Variants in CLN8 observed in about 807,000 individuals in gnomAD.
The protein encoded by CLN8 is protein CLN8.
CLN8 carries 14 observed loss-of-function variants against 15.7 expected under a neutral mutation model. The ratio of observed to expected loss-of-function variants is 0.89; its 90% CI spans 0.59 to 1.39. The LOEUF (loss-of-function observed/expected upper bound fraction) is 1.39. Ranked by LOEUF, CLN8 falls within the 40% of genes most tolerant of loss-of-function variation. CLN8 has a pLI of 0.00. For synonymous variants in CLN8, 188 were observed against 151.0 expected (o/e 1.25, Z -1.80); for missense variants, 415 against 364.0 (o/e 1.14, Z -1.14).
In CLN8 at chr8:1,769,589, C is replaced by T. The variant is rs138609231; in HGVS notation, c.-123-1343C>T. Among the ~76,000 whole-genome samples the T allele has an allele frequency of 1.9e-3, 291 of 152,228 alleles. 1 individual carries two copies. Among genetic ancestry groups the T allele is most frequent in the African/African-American group, 5.2e-3 (218 of 41,536 alleles). ...TGGGTGAGGGGGGACCAGGCGGGGACCTGAGTCTTTGTCGGTAGCCGTTCC... is the reference window on the plus strand; with the variant it reads ...TGGGTGAGGGGGGACCAGGCGGGGATCTGAGTCTTTGTCGGTAGCCGTTCC... On this transcript the variant is annotated intron_variant, in intron 1 of 2. Coordinates refer to ENST00000331222, the MANE Select transcript of CLN8 (RefSeq NM_018941.4).
chr8:1,758,534 C>T (rs148469786), intron 1 of CLN8: 1 of 152,340 alleles, frequency 6.6e-6, no homozygotes, highest in African/African-American at 2.4e-5. Flanking sequence ...TCCATGACGT[C>T]ATTTCAGTTC....
chr8:1,753,595 A>G (rs1800602018), upstream of CLN8, among the ~76,000 whole-genome samples: 2 of 134,618 alleles, frequency 1.5e-5, no homozygotes, highest in South Asian at 5.2e-4. Context: ...AGAAAGAAAA[A>G]GAAAAAACAG....
At chr8:1,777,049 A>G (rs1192409286) in intron 2 of CLN8, among the ~76,000 whole-genome samples, 2 of 152,206 alleles carry the variant, frequency 1.3e-5, no homozygotes, top group African/African-American at 2.4e-5. Flanking sequence ...TCCTTAGGCT[A>G]TTTTGTCATC....
chr8:1,761,143 C>T (rs1384705301), upstream of CLN8, among the ~76,000 whole-genome samples: 1 of 151,164 alleles, frequency 6.6e-6, no homozygotes, highest in Non-Finnish European at 1.5e-5. Flanking sequence ...CCTCAGCCTC[C>T]CACGTAGCTG....
At chr8:1,768,286 A>G (rs1801148446) in intron 1 of CLN8, among the ~76,000 whole-genome samples, 1 of 152,200 alleles carries the variant, frequency 6.6e-6, no homozygotes, top group Admixed American at 6.5e-5. Context: ...AATCAAGATC[A>G]GAGCCCACTA....
exon 1 of CLN8, chr8:1,755,785 T>G (rs1269414691): frequency 6.6e-6 from 1 of 152,156 alleles, no homozygotes. Flanking sequence ...TGGAATGAAC[T>G]CCATGCTTGC....
At chr8:1,755,488 G>C (rs1022668175), upstream of CLN8, among the ~76,000 whole-genome samples, 1 of 152,130 alleles carries the variant, frequency 6.6e-6, no homozygotes, top group South Asian at 2.1e-4. Flanking sequence ...CAAGATACAA[G>C]TGCCTCCCCC....
intron 1 of CLN8, among the ~76,000 whole-genome samples, chr8:1,769,522 C>G (rs1223989204): frequency 6.6e-6 from 1 of 152,188 alleles, no homozygotes; most frequent in Non-Finnish European, 1.5e-5. Flanking sequence ...AGAGTCCCCA[C>G]TCCCTGCAGA....
chr8:1,785,825 A>T lies in CLN8; in HGVS notation c.*5258A>T. The stretch of plus-strand genomic sequence containing the variant: ...CCTAAACCCCTGCTGTGGCTTCGGC[A>T]GTAAAGACAGGACGCACCCATGTCA... On this transcript the variant is annotated 3_prime_UTR_variant, in exon 3 of 3. Coordinates refer to ENST00000331222, the MANE Select transcript of CLN8 (RefSeq NM_018941.4). 6.0e-6 allele frequency: 1 copy of T among 165,710 alleles called. No homozygotes were observed. The highest frequency in any genetic ancestry group is 1.3e-5 in the Non-Finnish European group (1 of 75,014). 10.3% of individuals were successfully genotyped at this position (165,710 alleles called of 1,614,324 possible).
upstream of CLN8, chr8:1,759,129 G>A (rs1317142157): frequency 6.6e-6 from 1 of 152,154 alleles, no homozygotes; most frequent in Non-Finnish European, 1.5e-5. Flanking sequence ...TCTCTGCTTT[G>A]ACGTTAATGC....
At chr8:1,760,639 C>T (rs1049488961), upstream of CLN8, among the ~76,000 whole-genome samples, 3 of 152,178 alleles carry the variant, frequency 2.0e-5, no homozygotes, top group African/African-American at 2.4e-5. Flanking sequence ...CTTTCTAAGC[C>T]TCACTTCATT....
At chr8:1,756,958 C>T (rs1437565196) in intron 1 of CLN8, among the ~76,000 whole-genome samples, 1 of 152,178 alleles carries the variant, frequency 6.6e-6, no homozygotes, top group African/African-American at 2.4e-5. Flanking sequence ...GCTGGGATTA[C>T]AGGCATGAGC....
In CLN8 at chr8:1,786,053, C is replaced by T. The variant is rs1488365658; in HGVS notation, c.*5486C>T. 1 of 153,624 alleles carries T rather than the reference C, an allele frequency of 6.5e-6. No homozygotes were observed. Among genetic ancestry groups the T allele is most frequent in the Non-Finnish European group, 1.5e-5 (1 of 68,920 alleles). The allele number at this position is 153,624 out of a possible 1,614,324, so 9.5% of individuals were successfully genotyped here. A position where few individuals can be genotyped will look rare whatever the true frequency, so the allele number is the denominator to read the frequency against. On this transcript the variant is annotated 3_prime_UTR_variant, in exon 3 of 3. Transcript: ENST00000331222. ...TGCAGGAAGCTGCCACCTCTGGGGT[C>T]AGAATATGCCCAGCCTGCGGGGGCT...
chr8:1,755,050 C>G (rs866343752), upstream of CLN8, among the ~76,000 whole-genome samples: 2 of 152,206 alleles, frequency 1.3e-5, no homozygotes, highest in African/African-American at 4.8e-5. Context: ...GCTGCCAGAT[C>G]TGCTGGCTTC....
intron 2 of CLN8, among the ~76,000 whole-genome samples, chr8:1,774,282 T>A (rs1387154913): frequency 1.8e-4 from 28 of 152,200 alleles, no homozygotes; most frequent in Admixed American, 1.8e-3. Context: ...TATTTAAGTA[T>A]TTACTTCTAA....
At chr8:1,779,100 G>T (rs1435307920) in intron 2 of CLN8, among the ~76,000 whole-genome samples, 1 of 152,190 alleles carries the variant, frequency 6.6e-6, no homozygotes. Context: ...TTGAAGTACA[G>T]TTTCTACTGA....
chr8:1,755,847 C>G (rs556570412), exon 1 of CLN8: 1 of 152,162 alleles, frequency 6.6e-6, no homozygotes, highest in African/African-American at 2.4e-5. Flanking sequence ...AGGAGACTCA[C>G]GAGTTGATGT....
At chr8:1,775,955 G>A (rs146630607) in intron 2 of CLN8, among the ~76,000 whole-genome samples, 135 of 152,148 alleles carry the variant, frequency 8.9e-4, no homozygotes, top group African/African-American at 3.0e-3. Context: ...TGCATGTGGT[G>A]CGGCACACAC....
intron 2 of CLN8, among the ~76,000 whole-genome samples, chr8:1,771,989 A>T (rs1023137561): frequency 2.0e-5 from 3 of 151,734 alleles, no homozygotes; most frequent in African/African-American, 7.3e-5. Context: ...AGGCTGGAGT[A>T]CAATGGCATG....
Sources: allele counts gnomAD v4.1 joint callset (sites outside exome capture counted in the v4.1 genomes callset), GRCh38; gene constraint gnomAD v4.1.1; transcripts MANE v1.5; gene names NCBI Gene and HGNC (gene_info 2026-07-23, HGNC 2026-07-21).